ACSM3: variants seen among roughly 807,000 people sequenced by gnomAD.
ACSM3 encodes acyl-coenzyme A synthetase ACSM3, mitochondrial.
ACSM3 carries 61 observed loss-of-function variants against 74.1 expected under a neutral mutation model. That is an observed-to-expected ratio of 0.82 (90% CI 0.67 to 1.02). The LOEUF is 1.02. Among genes scored for constraint, ACSM3 ranks in the 50% least tolerant of loss-of-function variants. The pLI is 0.00. For missense variants in ACSM3, 660 were observed against 697.0 expected (o/e 0.95, Z 0.60); for synonymous variants, 213 against 241.5 (o/e 0.88, Z 1.09).
At chr16:20,795,191 TG>T (rs1433660354) in intron 12 of ACSM3, among the ~76,000 whole-genome samples, 3 of 152,174 alleles carry the variant, frequency 2.0e-5, no homozygotes, top group African/African-American at 7.2e-5. Flanking sequence ...GTGTTGTTGT[TG>T]TTTTTTTTCT....
At chr16:20,737,071 A>T in intron 1 of ACSM3, 1 of 1,614,122 alleles carries the variant, frequency 6.2e-7, no homozygotes, top group East Asian at 2.2e-5. Flanking sequence ...TTGTCCGCAG[A>T]TTCCAGTTTA....
intron 1 of ACSM3, chr16:20,690,866 A>G: frequency 1.2e-6 from 1 of 830,364 alleles, no homozygotes; most frequent in East Asian, 3.0e-5. Context: ...TTGAAATATA[A>G]GCTTCTTCCA....
rs2079896747 is a variant in ACSM3 at position 20,739,197 on chromosome 16, A to G, written c.-189-10713A>G. The G allele has an allele frequency of 2.0e-5, 19 of 953,466 alleles. 1 individual carries two copies. Among genetic ancestry groups the G allele is most frequent in the Non-Finnish European group, 2.9e-5 (19 of 660,276 alleles). 59.1% of individuals were successfully genotyped at this position (953,466 alleles called of 1,614,324 possible). A position where few individuals can be genotyped will look rare whatever the true frequency, so the allele number is the denominator to read the frequency against. ...ATTGATTTTTTTTTTTTTTCTAAAGATGGAGTCTCGCTTTGCCTCCCAGGC... is the reference window on the plus strand; with the variant it reads ...ATTGATTTTTTTTTTTTTTCTAAAGGTGGAGTCTCGCTTTGCCTCCCAGGC... On this transcript the variant is annotated intron_variant, in intron 1 of 3. Coordinates refer to the ACSM3 transcript ENST00000561584.
chr16:20,775,919 G>A lies in ACSM3; in HGVS notation c.300G>A (p.Leu100=). The change falls in exon 3 of 14, where the codon CTG becomes CTA. Residue 100 remains leucine (L), a synonymous_variant. Transcript: ENST00000289416. ...GEEMRWSFEE[L]GSLSRKFANI... ...AGATGCGATGGAGTTTTGAGGAACT[G>A]GGATCTCTGTCCAGAAAATTTGCCA... 1 of 1,614,134 alleles carries A rather than the reference G, an allele frequency of 6.2e-7. No individual in the cohort carries two copies. Among genetic ancestry groups the A allele is most frequent in the Non-Finnish European group, 8.5e-7 (1 of 1,180,026 alleles).
chr16:20,682,235 T>C (rs2079460635), intron 1 of ACSM3: 1 of 1,609,050 alleles, frequency 6.2e-7, no homozygotes, highest in Non-Finnish European at 8.5e-7. Context: ...AGAGATTATA[T>C]TCATCAGACC....
At chr16:20,701,086 G>C (rs1283178921) in intron 1 of ACSM3, among the ~76,000 whole-genome samples, 1 of 152,116 alleles carries the variant, frequency 6.6e-6, no homozygotes, top group Non-Finnish European at 1.5e-5. Flanking sequence ...CTCAGCCTTT[G>C]ACTTCTTCAA....
chr16:20,757,285 T>C (rs960602777), intron 3 of ACSM3, among the ~76,000 whole-genome samples: 1 of 151,100 alleles, frequency 6.6e-6, no homozygotes, highest in African/African-American at 2.4e-5. Flanking sequence ...TGTTCTTCCA[T>C]TTGTTTGTAT....
intron 1 of ACSM3, chr16:20,679,109 C>T (rs796733652): frequency 6.6e-6 from 1 of 152,214 alleles, no homozygotes; most frequent in African/African-American, 2.4e-5. Flanking sequence ...AGGACCCATA[C>T]AGGATAGGCC....
At chr16:20,762,741 G>GA (rs1426145329), upstream of ACSM3, among the ~76,000 whole-genome samples, 1 of 152,016 alleles carries the variant, frequency 6.6e-6, no homozygotes, top group Non-Finnish European at 1.5e-5. Flanking sequence ...AAAACACTCA[G>GA]AAAAAAATAG....
rs2080568078 is a variant in ACSM3 at position 20,790,300 on chromosome 16, A to C, written c.1225-287A>C. 6.6e-6 allele frequency among the ~76,000 whole-genome samples: 1 copy of C among 152,168 alleles called. No homozygotes were observed. Among genetic ancestry groups the C allele is most frequent in the African/African-American group, 2.4e-5 (1 of 41,442 alleles). On this transcript the variant is annotated intron_variant, in intron 9 of 13. Coordinates refer to ENST00000289416, the MANE Select transcript of ACSM3 (RefSeq NM_005622.4). This position sits in a 1 kb window ranked among gnomAD's most constrained non-coding sequence, Gnocchi z 4.0. Reference sequence around the variant, plus strand: ...ATCCCTACAAAAAATAAAAATAAACATTAGCTGAGCATAATGACATGTGCT... The same window carrying C: ...ATCCCTACAAAAAATAAAAATAAACCTTAGCTGAGCATAATGACATGTGCT...
chr16:20,700,396 G>A (rs2079709897), intron 1 of ACSM3, among the ~76,000 whole-genome samples: 1 of 152,056 alleles, frequency 6.6e-6, no homozygotes, highest in Non-Finnish European at 1.5e-5. Context: ...ACAGAACAGG[G>A]CAATATGATG....
chr16:20,786,854 A>G (rs936758341), intron 9 of ACSM3, among the ~76,000 whole-genome samples: 7 of 152,190 alleles, frequency 4.6e-5, no homozygotes, highest in Non-Finnish European at 8.8e-5. Context: ...TGGCTCCAAT[A>G]TCTGCACTCT....
chr16:20,729,407 TCTC>T, intron 1 of ACSM3: 1 of 1,003,220 alleles, frequency 1.0e-6, no homozygotes, highest in African/African-American at 1.6e-5. Flanking sequence ...GGGGGGGAGC[TCTC>T]CTACTGGAGG....
intron 1 of ACSM3, among the ~76,000 whole-genome samples, chr16:20,697,426 G>T (rs887592234): frequency 8.6e-5 from 13 of 151,988 alleles, no homozygotes; most frequent in African/African-American, 3.1e-4. Context: ...TTACATGTAC[G>T]TTCCTATTTA....
chr16:20,685,223 A>G (rs2079525584), intron 1 of ACSM3: 1 of 1,614,042 alleles, frequency 6.2e-7, no homozygotes, highest in African/African-American at 1.3e-5. Flanking sequence ...GCCACCAGCC[A>G]CCACTCAGGA....
chr16:20,791,056 C>T (rs569285428), intron 10 of ACSM3: 7 of 939,928 alleles, frequency 7.4e-6, no homozygotes, highest in Admixed American at 2.7e-5. Context: ...ACAGGGGATG[C>T]GGGGGTGGTG....
At chr16:20,744,913 G>GT (rs1051387679) in intron 1 of ACSM3, among the ~76,000 whole-genome samples, 3 of 152,184 alleles carry the variant, frequency 2.0e-5, no homozygotes, top group African/African-American at 4.8e-5. Context: ...TTTGTCTAAA[G>GT]TTTTTTAACA....
chr16:20,758,357 C>A lies in ACSM3; in HGVS notation c.-52+2741C>A, dbSNP rs185903417. 3.1e-4 allele frequency among the ~76,000 whole-genome samples: 47 copies of A among 152,084 alleles called. 1 individual carries two copies. The highest frequency in any genetic ancestry group is 1.0e-3 in the African/African-American group (42 of 41,476). ...GAGATTCAACTTCTTCCTGGTTTAGCCTTCGGAGAGTGTATGTGTCGAGGA... is the reference window on the plus strand; with the variant it reads ...GAGATTCAACTTCTTCCTGGTTTAGACTTCGGAGAGTGTATGTGTCGAGGA... On this transcript the variant is annotated intron_variant, in intron 3 of 3. Coordinates refer to the ACSM3 transcript ENST00000561584.
chr16:20,731,141 T>C (rs2079828009), intron 1 of ACSM3, among the ~76,000 whole-genome samples: 1 of 152,222 alleles, frequency 6.6e-6, no homozygotes, highest in Non-Finnish European at 1.5e-5. Flanking sequence ...TGTGGGATTA[T>C]AGGTGTAAGC....
Sources: allele counts gnomAD v4.1 joint callset (sites outside exome capture counted in the v4.1 genomes callset), GRCh38; gene constraint gnomAD v4.1.1; non-coding constraint Gnocchi (gnomAD v3.1); transcripts MANE v1.5; gene names NCBI Gene and HGNC (gene_info 2026-07-23, HGNC 2026-07-21).